Variants in ARHGAP10 observed in about 807,000 individuals in gnomAD.
The protein encoded by ARHGAP10 is Rho GTPase activating protein 10.
Under a neutral mutation model 108.6 loss-of-function variants are expected in ARHGAP10, and 87 were observed. That is an observed-to-expected ratio of 0.80 (90% CI 0.67 to 0.96). The LOEUF is 0.96. Ranked by LOEUF, ARHGAP10 falls within the 40% of genes least tolerant of loss-of-function variation. The pLI is 0.00. For synonymous variants in ARHGAP10, 347 were observed against 341.1 expected (o/e 1.02, Z -0.19); for missense variants, 939 against 954.5 (o/e 0.98, Z 0.21).
intron 16 of ARHGAP10, among the ~76,000 whole-genome samples, chr4:147,959,246 T>A (rs927781162): frequency 2.0e-5 from 3 of 151,996 alleles, no homozygotes; most frequent in Non-Finnish European, 4.4e-5. Flanking sequence ...TTTTTTTTTG[T>A]TTTTGAAGAA....
intron 20 of ARHGAP10, among the ~76,000 whole-genome samples, chr4:148,049,532 C>G (rs1729031351): frequency 6.6e-6 from 1 of 152,072 alleles, no homozygotes; most frequent in African/African-American, 2.4e-5. Context: ...CTTTTTTGCT[C>G]AAGCCAATCC....
intron 19 of ARHGAP10, among the ~76,000 whole-genome samples, chr4:148,041,926 C>T (rs1728649620): frequency 1.3e-5 from 2 of 152,236 alleles, no homozygotes; most frequent in South Asian, 4.1e-4. Flanking sequence ...TTTTACTTTT[C>T]CGCATCTTCT....
intron 20 of ARHGAP10, among the ~76,000 whole-genome samples, chr4:148,057,872 C>T (rs1729428321): frequency 6.6e-6 from 1 of 152,224 alleles, no homozygotes; most frequent in African/African-American, 2.4e-5. Context: ...GACAGGAAGT[C>T]CTCAGACTGT....
At chr4:147,932,728 G>A (rs180952) in intron 13 of ARHGAP10, among the ~76,000 whole-genome samples, 135,644 of 151,906 alleles carry the variant, frequency 0.89, 61,107 homozygotes, top group East Asian at 0.97. Context: ...TAATGGGATG[G>A]TCTGTGCAGC....
chr4:147,977,116 G>A (rs1336209779), intron 18 of ARHGAP10, among the ~76,000 whole-genome samples: 4 of 152,328 alleles, frequency 2.6e-5, no homozygotes, highest in Middle Eastern at 6.8e-3. Context: ...AGAGCTCCTC[G>A]GAGCCTAGCT....
At position 147,930,699 on chromosome 4, in the gene ARHGAP10, G is replaced by C. The variant is rs1737644227; in HGVS notation, c.1229-9126G>C. 1.3e-5 allele frequency among the ~76,000 whole-genome samples: 2 copies of C among 151,742 alleles called. 1 individual carries two copies. Among genetic ancestry groups the C allele is most frequent in the South Asian group, 4.2e-4 (2 of 4,804 alleles). On this transcript the variant is annotated intron_variant, in intron 13 of 22. Coordinates refer to ENST00000336498, the MANE Select transcript of ARHGAP10 (RefSeq NM_024605.4). ...CTCCCTTTTATTTTGTATTCTCCCTGTTTACCATTTCTATTTTTTAAAAAT... is the reference window on the plus strand; with the variant it reads ...CTCCCTTTTATTTTGTATTCTCCCTCTTTACCATTTCTATTTTTTAAAAAT...
At chr4:147,913,352 G>A (rs551633812) in intron 13 of ARHGAP10, among the ~76,000 whole-genome samples, 1 of 152,250 alleles carries the variant, frequency 6.6e-6, no homozygotes, top group African/African-American at 2.4e-5. Flanking sequence ...GAAAACATGA[G>A]GTCAGTGTTG....
At chr4:147,961,044 C>T (rs1738971149) in intron 16 of ARHGAP10, among the ~76,000 whole-genome samples, 1 of 152,158 alleles carries the variant, frequency 6.6e-6, no homozygotes, top group African/African-American at 2.4e-5. Context: ...CATTTATGTG[C>T]ATTTTTCCTG....
chr4:147,998,862 T>G (rs545875055), intron 18 of ARHGAP10, among the ~76,000 whole-genome samples: 1 of 152,372 alleles, frequency 6.6e-6, no homozygotes, highest in Non-Finnish European at 1.5e-5. Context: ...TCTGTTTAAT[T>G]GTTGAAATGT....
chr4:147,834,135 T>A (rs974762787), intron 3 of ARHGAP10, among the ~76,000 whole-genome samples: 1 of 152,230 alleles, frequency 6.6e-6, no homozygotes, highest in Non-Finnish European at 1.5e-5. Flanking sequence ...TTTTTCTTTC[T>A]ATAAAGTCAC....
At chr4:147,950,035 A>G (rs1041676377) in intron 15 of ARHGAP10, among the ~76,000 whole-genome samples, 63 of 152,190 alleles carry the variant, frequency 4.1e-4, no homozygotes, top group Middle Eastern at 6.8e-3. Context: ...GCTTCATCCT[A>G]TGGAATTTCA....
At chr4:148,017,512 C>T (rs1393502810) in intron 18 of ARHGAP10, among the ~76,000 whole-genome samples, 1 of 151,514 alleles carries the variant, frequency 6.6e-6, no homozygotes, top group East Asian at 1.9e-4. Context: ...ATAGGTAAGC[C>T]AGGAAGGCCA....
intron 12 of ARHGAP10, among the ~76,000 whole-genome samples, chr4:147,912,039 G>GTGTA (rs1553962354): frequency 0.017 from 2,037 of 121,442 alleles, 56 homozygotes; most frequent in Admixed American, 0.066. Flanking sequence ...GTGTGTGTGT[G>GTGTA]TATAGTTTTC....
rs371812943 is a variant in ARHGAP10, at chr4:147,780,861, A to G, written c.155-41866A>G. Among the ~76,000 whole-genome samples the G allele has an allele frequency of 2.6e-5, 4 of 152,218 alleles. No individual in the cohort carries two copies. The East Asian group carries it at 5.8e-4, about 22-fold the overall frequency. ...CTGAGAGCAAGTCCACCTAGGGTGG[A>G]CTGGGCCAAGGGAAGATGCCTCACT... On this transcript the variant is annotated intron_variant, in intron 1 of 22. Coordinates refer to ENST00000336498, the MANE Select transcript of ARHGAP10 (RefSeq NM_024605.4).
intron 13 of ARHGAP10, among the ~76,000 whole-genome samples, chr4:147,936,361 G>A (rs1170566932): frequency 6.5e-5 from 7 of 107,630 alleles, no homozygotes; most frequent in South Asian, 6.7e-4. Context: ...TTGCTCTGTC[G>A]CCCAGGCTGG....
At chr4:148,071,603 G>A (rs955289421) in intron 22 of ARHGAP10, among the ~76,000 whole-genome samples, 2 of 151,754 alleles carry the variant, frequency 1.3e-5, no homozygotes, top group African/African-American at 2.4e-5. Flanking sequence ...GCGACAGAGC[G>A]AGACTCCCTC....
chr4:147,965,354 G>A (rs1310775700), intron 17 of ARHGAP10, among the ~76,000 whole-genome samples: 1 of 152,172 alleles, frequency 6.6e-6, no homozygotes, highest in Non-Finnish European at 1.5e-5. Context: ...GATTTGAAGT[G>A]AAAGAAGAGA....
intron 1 of ARHGAP10, among the ~76,000 whole-genome samples, chr4:147,766,832 ATATATATTTATT>A (rs1233906891): frequency 1.3e-3 from 36 of 27,940 alleles, no homozygotes; most frequent in African/African-American, 2.3e-3. Context: ...ATATATATAT[ATATATATTTATT>A]TATTTATTTA....
intron 22 of ARHGAP10, among the ~76,000 whole-genome samples, chr4:148,069,738 G>T (rs1730072661): frequency 6.6e-6 from 1 of 152,196 alleles, no homozygotes; most frequent in South Asian, 2.1e-4. Context: ...AGGCCCAGGG[G>T]TTAATTTCCC....
Sources: allele counts gnomAD v4.1 joint callset (sites outside exome capture counted in the v4.1 genomes callset), GRCh38; gene constraint gnomAD v4.1.1; transcripts MANE v1.5; gene names NCBI Gene and HGNC (gene_info 2026-07-23, HGNC 2026-07-21).